Variants in TMEM116 observed in about 807,000 individuals in gnomAD.
The protein encoded by TMEM116 is transmembrane protein 116.
A neutral mutation model predicts 44.3 loss-of-function variants in TMEM116; 38 were observed. The ratio of observed to expected loss-of-function variants is 0.86; its 90% CI spans 0.66 to 1.12. The LOEUF (loss-of-function observed/expected upper bound fraction) is 1.12. TMEM116 is among the 50% of genes most tolerant of loss of function. The pLI, the probability that TMEM116 is intolerant of heterozygous loss-of-function variation, is 0.00. For synonymous variants in TMEM116, 132 were observed against 144.8 expected, an observed-to-expected ratio of 0.91 and a Z score of 0.64; for missense variants, 354 against 401.7, an observed-to-expected ratio of 0.88 and a Z score of 1.01.
intron 9 of TMEM116, among the ~76,000 whole-genome samples, chr12:111,933,513 G>A (rs1332453597): frequency 6.8e-6 from 1 of 146,928 alleles, no homozygotes; most frequent in East Asian, 2.0e-4. Context: ...TTTTGAGATG[G>A]AGTCTCGCCC....
At chr12:111,995,373 G>A (rs2076875929) in intron 3 of TMEM116, among the ~76,000 whole-genome samples, 1 of 152,034 alleles carries the variant, frequency 6.6e-6, no homozygotes, top group Non-Finnish European at 1.5e-5. Context: ...AAAATATGAA[G>A]CTAGAACAAT....
At chr12:111,949,983 T>A (rs1200078497) in intron 4 of TMEM116, among the ~76,000 whole-genome samples, 1 of 152,040 alleles carries the variant, frequency 6.6e-6, no homozygotes, top group African/African-American at 2.4e-5. Context: ...GGCATGGTAG[T>A]GCACACCTGT....
intron 4 of TMEM116, among the ~76,000 whole-genome samples, chr12:111,977,603 C>T (rs970537696): frequency 2.0e-5 from 3 of 151,636 alleles, no homozygotes; most frequent in African/African-American, 4.8e-5. Flanking sequence ...TCAGTAAATT[C>T]GGATCTACAT....
chr12:111,945,305 T>C (rs886859725), intron 4 of TMEM116, among the ~76,000 whole-genome samples: 23 of 126,298 alleles, frequency 1.8e-4, no homozygotes, highest in Admixed American at 1.1e-3. Context: ...GATCGAGCCA[T>C]TGCACTCCAG....
chr12:111,994,802 A>G (rs1312799246), intron 3 of TMEM116, among the ~76,000 whole-genome samples: 1 of 152,224 alleles, frequency 6.6e-6, no homozygotes, highest in Non-Finnish European at 1.5e-5. Context: ...ACAACCGGTT[A>G]GACCACAAAT....
rs375673833 is a variant in TMEM116 at position 111,937,143 on chromosome 12, A to G, written c.449+17T>C. ...GTGTAGTCTGCCATGAAAATTATAC[A>G]TTTAGTTCTTACTTACTTGTGGCTC... On this transcript the variant is annotated intron_variant, in intron 7 of 10. Coordinates refer to ENST00000552374, the MANE Select transcript of TMEM116 (RefSeq NM_001193531.2). 18 of 1,596,922 alleles carry G rather than the reference A, an allele frequency of 1.1e-5. No individual in the cohort carries two copies. Among genetic ancestry groups the G allele is most frequent in the Admixed American group, 1.7e-5 (1 of 59,964 alleles).
intron 1 of TMEM116, among the ~76,000 whole-genome samples, chr12:112,009,514 C>T (rs2077739270): frequency 6.9e-6 from 1 of 144,258 alleles, no homozygotes; most frequent in African/African-American, 2.7e-5. Flanking sequence ...AAAGTAACTG[C>T]TAAATCAGCA....
chr12:111,954,446 A>C (rs2073948493), intron 4 of TMEM116, among the ~76,000 whole-genome samples: 1 of 152,230 alleles, frequency 6.6e-6, no homozygotes, highest in Non-Finnish European at 1.5e-5. Context: ...TACCTTGAAA[A>C]ATAAACAGAA....
chr12:111,982,881 T>C (rs979967225), intron 4 of TMEM116, among the ~76,000 whole-genome samples: 1 of 152,194 alleles, frequency 6.6e-6, no homozygotes, highest in African/African-American at 2.4e-5. Flanking sequence ...TTTTCTTTGT[T>C]TGTTTTTGTA....
chr12:111,932,734 G>C (rs1438682944), intron 9 of TMEM116, 75 bp from the exon 10 acceptor site: 3 of 1,153,816 alleles, frequency 2.6e-6, no homozygotes, highest in Non-Finnish European at 3.9e-6. Flanking sequence ...ACACACGTCT[G>C]AGCATTATCA....
At chr12:111,936,362 G>C (rs1419482600) in intron 8 of TMEM116, 3 of 188,716 alleles carry the variant, frequency 1.6e-5, no homozygotes, top group Admixed American at 6.0e-5. Context: ...TATGTTCTAT[G>C]TTTCAGAGTG....
chr12:111,993,405 T>G (rs1019661883), intron 3 of TMEM116: 1 of 549,838 alleles, frequency 1.8e-6, no homozygotes, highest in Non-Finnish European at 3.7e-6. Context: ...CAAGTTTGGC[T>G]TTTATGAAGT....
At chr12:111,984,837 A>G (rs924874112) in intron 4 of TMEM116, among the ~76,000 whole-genome samples, 1 of 150,914 alleles carries the variant, frequency 6.6e-6, no homozygotes, top group African/African-American at 2.4e-5. Context: ...CCACAAAATT[A>G]AAAAAAAAAT....
chr12:111,946,655 T>C (rs2073303722), intron 4 of TMEM116, among the ~76,000 whole-genome samples: 1 of 152,206 alleles, frequency 6.6e-6, no homozygotes, highest in Non-Finnish European at 1.5e-5. Flanking sequence ...TGCAGAGATT[T>C]TGTTTATGGC....
intron 4 of TMEM116, among the ~76,000 whole-genome samples, chr12:111,957,377 A>T (rs1389276917): frequency 6.7e-6 from 1 of 148,270 alleles, no homozygotes; most frequent in African/African-American, 2.5e-5. Context: ...AGAAGTGAGG[A>T]GCCCCTCCGC....
At chr12:112,001,470 C>G (rs762216446) in intron 3 of TMEM116, among the ~76,000 whole-genome samples, 14 of 152,286 alleles carry the variant, frequency 9.2e-5, no homozygotes, top group Non-Finnish European at 1.8e-4. Flanking sequence ...TGCCACTACA[C>G]CTGGACCATT....
At chr12:111,939,846 G>T (rs1255590029) in intron 5 of TMEM116, among the ~76,000 whole-genome samples, 1 of 141,132 alleles carries the variant, frequency 7.1e-6, no homozygotes, top group Admixed American at 7.3e-5. Context: ...AAAAAGAAAA[G>T]AAAACCCAAA....
At chr12:111,972,086 A>AAC (rs1282991843) in intron 4 of TMEM116, among the ~76,000 whole-genome samples, 1 of 150,624 alleles carries the variant, frequency 6.6e-6, no homozygotes, top group African/African-American at 2.4e-5. Context: ...GAAAAAAAAA[A>AAC]AAAAAAAAAA....
Position 111,957,636 on chromosome 12 carries a change from G to A in TMEM116, c.211-14267C>T, listed in dbSNP as rs545843106. ...CGGGAGGTGGGGGGCCCCTCTGCCC[G>A]GCTGCCCCGTCTGGGAAGTGAGGAG... On this transcript the variant is annotated intron_variant, in intron 4 of 10. Transcript: ENST00000552374. Among the ~76,000 whole-genome samples the A allele has an allele frequency of 8.1e-5, 12 of 147,870 alleles. No individual in the cohort carries two copies. In the East Asian group the frequency reaches 1.9e-3, roughly 23 times the overall value.
Sources: gnomAD v4.1 joint callset for allele counts (sites outside exome capture counted in the v4.1 genomes callset) on GRCh38, gnomAD v4.1.1 for gene constraint, MANE v1.5 for transcripts, NCBI Gene and HGNC (gene_info 2026-07-23, HGNC 2026-07-21) for gene names.